Variants in TAFA2 observed in about 807,000 individuals in gnomAD.
The protein encoded by TAFA2 is TAFA chemokine like family member 2.
In TAFA2, 7 loss-of-function variants were observed where a neutral mutation model predicts 18.8. The ratio of observed to expected loss-of-function variants is 0.37; its 90% CI spans 0.21 to 0.70. TAFA2 has a LOEUF of 0.70. Among genes scored for constraint, TAFA2 ranks in the 30% least tolerant of loss-of-function variants. TAFA2 has a pLI of 0.53. For missense variants in TAFA2, 122 were observed against 158.1 expected, an observed-to-expected ratio of 0.77 and a Z score of 1.23; for synonymous variants, 60 against 54.2, an observed-to-expected ratio of 1.11 and a Z score of -0.47.
chr12:62,006,860 C>T (rs527291868), intron 1 of TAFA2, among the ~76,000 whole-genome samples: 41 of 152,318 alleles, frequency 2.7e-4, no homozygotes, highest in African/African-American at 9.1e-4. Context: ...AGATCCCTAA[C>T]TCATCACAAA....
intron 1 of TAFA2, among the ~76,000 whole-genome samples, chr12:62,067,166 A>AT (rs1215834039): frequency 3.3e-5 from 5 of 151,480 alleles, no homozygotes; most frequent in African/African-American, 4.8e-5. Flanking sequence ...GGGTTATTTG[A>AT]TTTTTTCCTA....
chr12:62,047,131 TTAATAA>T (rs1565727400), intron 1 of TAFA2, among the ~76,000 whole-genome samples: 1 of 152,056 alleles, frequency 6.6e-6, no homozygotes, highest in Non-Finnish European at 1.5e-5. Flanking sequence ...GTGTACTGAT[TTAATAA>T]TAAGTAATAA....
chr12:61,733,123 GT>G (rs929414360), intron 4 of TAFA2, among the ~76,000 whole-genome samples: 1 of 152,002 alleles, frequency 6.6e-6, no homozygotes, highest in Non-Finnish European at 1.5e-5. Context: ...GGGGTTGTTT[GT>G]TTTTTTCTTG....
chr12:61,822,560 A>G (rs1049206394), intron 2 of TAFA2, among the ~76,000 whole-genome samples: 7 of 152,288 alleles, frequency 4.6e-5, no homozygotes, highest in African/African-American at 1.7e-4. Context: ...TTCACTGTGC[A>G]CCTTCCTGGT....
At chr12:61,948,872 A>G (rs1878370749) in intron 1 of TAFA2, among the ~76,000 whole-genome samples, 1 of 152,162 alleles carries the variant, frequency 6.6e-6, no homozygotes, top group African/African-American at 2.4e-5. Flanking sequence ...AAGTCAGGTG[A>G]TTGCCTGTCC....
intron 1 of TAFA2, among the ~76,000 whole-genome samples, chr12:62,022,851 T>C (rs1881190894): frequency 6.6e-6 from 1 of 152,210 alleles, no homozygotes; most frequent in South Asian, 2.1e-4. Context: ...TATGAGTGTA[T>C]ACCAGCAAGT....
intron 1 of TAFA2, among the ~76,000 whole-genome samples, chr12:61,954,219 G>T (rs1025540502): frequency 7.2e-5 from 11 of 152,060 alleles, no homozygotes; most frequent in African/African-American, 2.4e-4. Context: ...GTAAGAACAT[G>T]TAGTATTTGA....
At chr12:61,841,043 C>T (rs1288842504) in intron 2 of TAFA2, among the ~76,000 whole-genome samples, 1 of 152,004 alleles carries the variant, frequency 6.6e-6, no homozygotes, top group Non-Finnish European at 1.5e-5. Flanking sequence ...ACACACAGGA[C>T]ACTATGTTCA....
chr12:62,057,554 A>C (rs1341454395), intron 1 of TAFA2, among the ~76,000 whole-genome samples: 1 of 151,848 alleles, frequency 6.6e-6, no homozygotes, highest in East Asian at 1.9e-4. Flanking sequence ...CTTTATTTTA[A>C]ATTATTAAAT....
chr12:62,219,701 C>T (rs2062752489), intron 1 of TAFA2, among the ~76,000 whole-genome samples: 4 of 152,152 alleles, frequency 2.6e-5, no homozygotes, highest in Admixed American at 2.6e-4. Context: ...TATAACCTAA[C>T]TGCTTTTAAT....
intron 1 of TAFA2, among the ~76,000 whole-genome samples, chr12:61,886,218 C>G (rs533882579): frequency 2.6e-5 from 4 of 152,256 alleles, no homozygotes; most frequent in Admixed American, 2.0e-4. Context: ...TTTAAGGAGA[C>G]CTGACCCATT....
At chr12:61,984,312 T>C (rs938309319) in intron 1 of TAFA2, among the ~76,000 whole-genome samples, 1 of 152,238 alleles carries the variant, frequency 6.6e-6, no homozygotes, top group Admixed American at 6.5e-5. Context: ...CTCATGGGGC[T>C]TACATTCATG....
chr12:61,888,879 A>G (rs1373130955), intron 1 of TAFA2, among the ~76,000 whole-genome samples: 2 of 152,140 alleles, frequency 1.3e-5, no homozygotes, highest in Non-Finnish European at 2.9e-5. Context: ...TTCATGGTAA[A>G]TTTCAGAGCC....
At chr12:61,720,657 C>T in intron 4 of TAFA2, 1 of 298,800 alleles carries the variant, frequency 3.3e-6, no homozygotes, top group Non-Finnish European at 6.7e-6. Flanking sequence ...GAATAGGTCA[C>T]AGTTAATCCT....
intron 1 of TAFA2, among the ~76,000 whole-genome samples, chr12:62,096,995 T>G (rs1366764856): frequency 6.6e-6 from 1 of 152,168 alleles, no homozygotes; most frequent in Non-Finnish European, 1.5e-5. Flanking sequence ...CCCATCAGAA[T>G]GTCTCCTGTT....
intron 1 of TAFA2, among the ~76,000 whole-genome samples, chr12:62,146,513 C>T (rs543542214): frequency 8.6e-5 from 13 of 152,012 alleles, no homozygotes; most frequent in Non-Finnish European, 1.3e-4. Context: ...CTCCTTTAAT[C>T]GGCTGGAAAT....
chr12:62,021,494 TG>T, intron 1 of TAFA2: 1 of 650,994 alleles, frequency 1.5e-6, no homozygotes, highest in East Asian at 3.0e-5. Context: ...TTTCTGTCTT[TG>T]TACAATATTT....
At chr12:61,959,538 T>G (rs1023123013) in intron 1 of TAFA2, among the ~76,000 whole-genome samples, 1 of 152,086 alleles carries the variant, frequency 6.6e-6, no homozygotes, top group Non-Finnish European at 1.5e-5. Context: ...ATTAATTCTA[T>G]CAGCTGTTTT....
At chr12:62,051,013 T>C (rs1001111346) in intron 1 of TAFA2, among the ~76,000 whole-genome samples, 26 of 152,310 alleles carry the variant, frequency 1.7e-4, no homozygotes, top group African/African-American at 6.3e-4. Context: ...ATTTCCAAAA[T>C]GCCAACATTT....
Sources: gnomAD v4.1 joint callset for allele counts (sites outside exome capture counted in the v4.1 genomes callset) on GRCh38, gnomAD v4.1.1 for gene constraint, MANE v1.5 for transcripts, NCBI Gene and HGNC (gene_info 2026-07-23, HGNC 2026-07-21) for gene names.